The following KANSL1L variants were observed in gnomAD, a reference collection of about 807,000 sequenced individuals.
The protein encoded by KANSL1L is KAT8 regulatory NSL complex subunit 1 like.
KANSL1L carries 25 observed loss-of-function variants against 108.6 expected under a neutral mutation model. That is an observed-to-expected ratio of 0.23 (90% CI 0.17 to 0.32). The LOEUF (loss-of-function observed/expected upper bound fraction) is 0.32, where lower values mean the gene tolerates loss of function less well. Ranked by LOEUF, KANSL1L falls within the 10% of genes least tolerant of loss-of-function variation. KANSL1L has a pLI of 1.00. For missense variants in KANSL1L, 1,137 were observed against 1,125.7 expected (o/e 1.01, Z -0.14); for synonymous variants, 405 against 395.1 (o/e 1.03, Z -0.30).
intron 2 of KANSL1L, among the ~76,000 whole-genome samples, chr2:210,135,312 G>C (rs919576839): frequency 1.3e-5 from 2 of 152,142 alleles, no homozygotes; most frequent in Non-Finnish European, 1.5e-5. Context: ...TTTTATGAAT[G>C]AGAAAGAGGT....
chr2:210,107,523 T>A (rs35177801), intron 3 of KANSL1L, among the ~76,000 whole-genome samples: 77,116 of 134,466 alleles, frequency 0.57, 23,482 homozygotes, highest in Middle Eastern at 0.74. Flanking sequence ...AAAAAAAATA[T>A]ATATATATAT....
At chr2:210,119,001 T>C (rs1461490013) in intron 3 of KANSL1L, among the ~76,000 whole-genome samples, 1 of 151,708 alleles carries the variant, frequency 6.6e-6, no homozygotes, top group Non-Finnish European at 1.5e-5. Flanking sequence ...AACCCTAACA[T>C]GATGAAACTC....
intron 6 of KANSL1L, among the ~76,000 whole-genome samples, chr2:210,063,235 C>T (rs891695505): frequency 1.1e-4 from 16 of 152,212 alleles, no homozygotes; most frequent in African/African-American, 3.6e-4. Flanking sequence ...GGTTTGGGAC[C>T]TCTGTCTAGA....
intron 6 of KANSL1L, among the ~76,000 whole-genome samples, chr2:210,072,421 T>A (rs1262951560): frequency 6.6e-6 from 1 of 152,236 alleles, no homozygotes; most frequent in African/African-American, 2.4e-5. Context: ...AGTTACTATA[T>A]GCCCCCTGGC....
intron 4 of KANSL1L, among the ~76,000 whole-genome samples, chr2:210,102,836 T>C (rs1448647711): frequency 6.6e-6 from 1 of 152,176 alleles, no homozygotes; most frequent in Non-Finnish European, 1.5e-5. Flanking sequence ...AGAGAGGATG[T>C]GGAGAAATAG....
intron 6 of KANSL1L, among the ~76,000 whole-genome samples, chr2:210,059,137 CAAAA>C (rs71043969): frequency 2.8e-5 from 2 of 71,824 alleles, no homozygotes; most frequent in African/African-American, 4.6e-5. Flanking sequence ...GACTCCGTCT[CAAAA>C]AAAAAAAAAA....
At chr2:210,055,666 A>G (rs1357406187) in intron 6 of KANSL1L, among the ~76,000 whole-genome samples, 1 of 152,216 alleles carries the variant, frequency 6.6e-6, no homozygotes, top group African/African-American at 2.4e-5. Flanking sequence ...ACTGGAATAA[A>G]GGTGATTCTT....
At chr2:210,029,979 C>T in intron 9 of KANSL1L, 61 bp from the exon 10 acceptor site, 2 of 752,790 alleles carry the variant, frequency 2.7e-6, no homozygotes, top group Non-Finnish European at 4.4e-6. Flanking sequence ...ATTAGAATTA[C>T]TTTCCTAATT....
In KANSL1L at chr2:210,141,670, A is replaced by G. The variant is rs892420868; in HGVS notation, c.1088+11825T>C. ...CAGATGAAATGGTCGAGGAAAAGGT[A>G]TCAAGTTTTTGCCACTAAATTGGAT... is the stretch of plus-strand genomic sequence containing the variant. On this transcript the variant is annotated intron_variant, in intron 2 of 14. Transcript: ENST00000281772. 2.6e-5 allele frequency among the ~76,000 whole-genome samples: 4 copies of G among 152,204 alleles called. No homozygotes were observed. In the East Asian group the frequency reaches 7.7e-4, roughly 29 times the overall value.
Position 210,035,158 on chromosome 2 carries a change from G to T in KANSL1L, c.2030-3612C>A. The stretch of plus-strand genomic sequence containing the variant: ...ATAATTTCAACTATTCATTGCAGAT[G>T]GCATTGCAGTTGTCAGATCTCATTA... On this transcript the variant is annotated intron_variant, in intron 8 of 14. Coordinates refer to ENST00000281772, the MANE Select transcript of KANSL1L (RefSeq NM_152519.4). 2.6e-5 allele frequency: 4 copies of T among 152,246 alleles called. No individual in the cohort carries two copies. In the Middle Eastern group the frequency reaches 0.014, roughly 518 times the overall value. 9.4% of individuals were successfully genotyped at this position (152,246 alleles called of 1,614,324 possible).
intron 8 of KANSL1L, among the ~76,000 whole-genome samples, chr2:210,035,685 C>G (rs1173553082): frequency 1.3e-5 from 2 of 152,046 alleles, no homozygotes; most frequent in Non-Finnish European, 2.9e-5. Flanking sequence ...CACCATGTTG[C>G]CAAGGCTGGT....
At chr2:210,055,768 G>A (rs891070410) in intron 6 of KANSL1L, among the ~76,000 whole-genome samples, 10 of 152,164 alleles carry the variant, frequency 6.6e-5, no homozygotes, top group African/African-American at 2.2e-4. Flanking sequence ...TAGAGTATCT[G>A]GTGGAAGAAA....
At chr2:210,056,068 C>T (rs1559519695) in intron 6 of KANSL1L, among the ~76,000 whole-genome samples, 3 of 152,242 alleles carry the variant, frequency 2.0e-5, no homozygotes, top group Non-Finnish European at 4.4e-5. Flanking sequence ...CTCTGTGCAG[C>T]CTTGGGGTGT....
intron 2 of KANSL1L, among the ~76,000 whole-genome samples, chr2:210,150,540 T>G (rs957978319): frequency 1.3e-5 from 2 of 152,180 alleles, no homozygotes; most frequent in Non-Finnish European, 2.9e-5. Flanking sequence ...CCCAGCACTT[T>G]GGGAGGCCAA....
intron 3 of KANSL1L, among the ~76,000 whole-genome samples, chr2:210,122,314 C>A (rs2095028944): frequency 6.6e-6 from 1 of 152,014 alleles, no homozygotes; most frequent in South Asian, 2.1e-4. Context: ...CAAAACGGCA[C>A]AGTACTGGCA....
At position 210,127,682 on chromosome 2, in the gene KANSL1L, T is replaced by A. The variant is rs144964897; in HGVS notation, c.1230+1349A>T. 9.1e-3 allele frequency among the ~76,000 whole-genome samples: 1,371 copies of A among 150,132 alleles called. 10 individuals carry two copies. The highest frequency in any genetic ancestry group is 0.015 in the Non-Finnish European group (1,017 of 67,660). ...GGCATGGTGGCACGAGCCTCTAGTCTCAGCTACTTGGGAGTCTGAGGTGGA... is the reference window on the plus strand; with the variant it reads ...GGCATGGTGGCACGAGCCTCTAGTCACAGCTACTTGGGAGTCTGAGGTGGA... On this transcript the variant is annotated intron_variant, in intron 3 of 14. Coordinates refer to ENST00000281772, the MANE Select transcript of KANSL1L (RefSeq NM_152519.4).
chr2:210,129,204 C>A (rs941816485), intron 2 of KANSL1L, 32 bp from the exon 3 acceptor site: 1 of 1,534,474 alleles, frequency 6.5e-7, no homozygotes, highest in Non-Finnish European at 8.8e-7. Flanking sequence ...TTACTCAAAG[C>A]ACAAAGGCAA....
At chr2:210,029,629 AGTTAAAAATAAGTT>A (rs1404853946) in intron 10 of KANSL1L, among the ~76,000 whole-genome samples, 160 bp downstream of exon 10, 1 of 151,578 alleles carries the variant, frequency 6.6e-6, no homozygotes. Flanking sequence ...TTAGCTTCAT[AGTTAAAAATAAGTT>A]GTATGAATCA....
chr2:210,134,194 C>T (rs574892824), intron 2 of KANSL1L, among the ~76,000 whole-genome samples: 6 of 152,024 alleles, frequency 3.9e-5, no homozygotes, highest in East Asian at 1.9e-4. Flanking sequence ...TAGCTGAAGT[C>T]GTTTTACATT....
Sources: gnomAD v4.1 joint callset for allele counts (sites outside exome capture counted in the v4.1 genomes callset) on GRCh38, gnomAD v4.1.1 for gene constraint, MANE v1.5 for transcripts, NCBI Gene and HGNC (gene_info 2026-07-23, HGNC 2026-07-21) for gene names.